SUSD6: variants seen among roughly 807,000 people sequenced by gnomAD.
The protein encoded by SUSD6 is sushi domain-containing protein 6.
SUSD6 carries 16 observed loss-of-function variants against 28.4 expected under a neutral mutation model. The ratio of observed to expected loss-of-function variants is 0.56; its 90% CI spans 0.38 to 0.86. The LOEUF (loss-of-function observed/expected upper bound fraction) is 0.86, where lower values mean the gene tolerates loss of function less well. SUSD6 is among the 40% of genes least tolerant of loss of function. The pLI is 0.00. For synonymous variants in SUSD6, 147 were observed against 159.6 expected, an observed-to-expected ratio of 0.92 and a Z score of 0.59; for missense variants, 341 against 384.2, an observed-to-expected ratio of 0.89 and a Z score of 0.94.
At chr14:69,639,989 A>C (rs1436655808) in intron 1 of SUSD6, among the ~76,000 whole-genome samples, 1 of 50,892 alleles carries the variant, frequency 2.0e-5, no homozygotes, top group East Asian at 6.7e-4. Flanking sequence ...TGCGGGGGGA[A>C]GTGTGCATTA....
intron 1 of SUSD6, 46 bp from the exon 2 acceptor site, chr14:69,658,467 C>G: frequency 9.9e-7 from 1 of 1,011,058 alleles, no homozygotes; most frequent in South Asian, 1.7e-5. Context: ...TTTTAACTAA[C>G]TTATGGCTGA....
At chr14:69,620,513 G>A (rs1885021468) in intron 1 of SUSD6, among the ~76,000 whole-genome samples, 1 of 152,230 alleles carries the variant, frequency 6.6e-6, no homozygotes, top group Admixed American at 6.5e-5. Flanking sequence ...GCATACTGCG[G>A]GAATACTCAC....
intron 1 of SUSD6, among the ~76,000 whole-genome samples, chr14:69,635,557 G>A (rs558401640): frequency 1.3e-5 from 2 of 150,626 alleles, no homozygotes; most frequent in South Asian, 4.2e-4. Flanking sequence ...GGAAGAGAAG[G>A]AAGTCATCTC....
At chr14:69,708,436 C>T (rs926654303) in intron 4 of SUSD6, among the ~76,000 whole-genome samples, 5 of 152,064 alleles carry the variant, frequency 3.3e-5, no homozygotes, top group African/African-American at 2.4e-5. Flanking sequence ...CATCCTTTAC[C>T]AGCTGTGTGA....
At chr14:69,706,409 C>T (rs1170975301) in intron 4 of SUSD6, among the ~76,000 whole-genome samples, 1 of 152,116 alleles carries the variant, frequency 6.6e-6, no homozygotes, top group Non-Finnish European at 1.5e-5. Context: ...TTAAGCCAAA[C>T]ACTATTTTGA....
At chr14:69,710,173 T>G (rs915055271) in intron 5 of SUSD6, among the ~76,000 whole-genome samples, 4 of 152,220 alleles carry the variant, frequency 2.6e-5, no homozygotes, top group African/African-American at 9.7e-5. Context: ...TGTGTAAGTG[T>G]ATATCATAGC....
At chr14:69,686,478 G>A (rs1238639706) in intron 2 of SUSD6, among the ~76,000 whole-genome samples, 1 of 152,162 alleles carries the variant, frequency 6.6e-6, no homozygotes, top group Non-Finnish European at 1.5e-5. Context: ...AGAGCCGTGA[G>A]TATACATTAT....
intron 2 of SUSD6, among the ~76,000 whole-genome samples, chr14:69,682,299 T>C (rs1886008061): frequency 6.6e-6 from 1 of 152,130 alleles, no homozygotes; most frequent in South Asian, 2.1e-4. Context: ...ATTATGCCAC[T>C]GCAGTCAAGC....
intron 2 of SUSD6, among the ~76,000 whole-genome samples, chr14:69,689,017 AC>A (rs1042371802): frequency 8.5e-5 from 13 of 152,240 alleles, no homozygotes; most frequent in African/African-American, 2.9e-4. Context: ...CCGTACACAT[AC>A]CACCTCTTCT....
intron 1 of SUSD6, among the ~76,000 whole-genome samples, chr14:69,641,532 G>A (rs986862445): frequency 6.6e-6 from 1 of 151,812 alleles, no homozygotes; most frequent in Non-Finnish European, 1.5e-5. Flanking sequence ...ATCCTATCCT[G>A]TGTACTTTTT....
chr14:69,704,754 G>A lies in SUSD6; in HGVS notation c.458+12G>A. 6.2e-7 allele frequency: 1 copy of A among 1,612,456 alleles called. No individual in the cohort carries two copies. The highest frequency in any genetic ancestry group is 8.5e-7 in the Non-Finnish European group (1 of 1,179,354). On this transcript the variant is annotated intron_variant, in intron 4 of 5. Transcript: ENST00000342745. ...TTCCATCATAGCAGGTGAGTCCAGT[G>A]GCAGAGCTGACATGAGACAGGCAGG...
chr14:69,674,329 G>A (rs1050583071), intron 2 of SUSD6, among the ~76,000 whole-genome samples: 4 of 152,236 alleles, frequency 2.6e-5, no homozygotes, highest in Middle Eastern at 3.4e-3. Context: ...GATGGAATAA[G>A]CGGTTGTATC....
At chr14:69,705,684 A>C (rs1394049029) in intron 4 of SUSD6, among the ~76,000 whole-genome samples, 1 of 152,224 alleles carries the variant, frequency 6.6e-6, no homozygotes, top group Non-Finnish European at 1.5e-5. Context: ...TAAAAAGCTC[A>C]GTTTTTCTGT....
At chr14:69,665,385 A>T (rs1885724466) in intron 2 of SUSD6, among the ~76,000 whole-genome samples, 1 of 152,106 alleles carries the variant, frequency 6.6e-6, no homozygotes, top group African/African-American at 2.4e-5. Flanking sequence ...AGTAGCTGGG[A>T]CTATAGGCAT....
intron 2 of SUSD6, among the ~76,000 whole-genome samples, chr14:69,682,300 G>T (rs1368996711): frequency 6.6e-6 from 1 of 152,188 alleles, no homozygotes; most frequent in Admixed American, 6.5e-5. Flanking sequence ...TTATGCCACT[G>T]CAGTCAAGCC....
intron 1 of SUSD6, among the ~76,000 whole-genome samples, chr14:69,652,676 T>C (rs1227209665): frequency 6.6e-6 from 1 of 152,160 alleles, no homozygotes; most frequent in African/African-American, 2.4e-5. Context: ...TGAGGAGATC[T>C]GGGCCCTGGC....
At chr14:69,651,630 A>C (rs549837699) in intron 1 of SUSD6, among the ~76,000 whole-genome samples, 1 of 152,356 alleles carries the variant, frequency 6.6e-6, no homozygotes, top group East Asian at 1.9e-4. Context: ...AAGATATAGA[A>C]GTTAGTAGGA....
In SUSD6 at chr14:69,658,569, T is replaced by TA. The variant is rs1474875337; in HGVS notation, c.-17dup. The TA allele has an allele frequency of 2.5e-6, 4 of 1,612,258 alleles. No individual in the cohort carries two copies. Among genetic ancestry groups the TA allele is most frequent in the African/African-American group, 1.3e-5 (1 of 74,758 alleles). ...TTCTGGATTTTAAATTTTTTCTTTT[T>TA]AAAAAAACTTGGACGGATAAAAGAT... On this transcript the variant is annotated 5_prime_UTR_variant, in exon 2 of 6. Coordinates refer to ENST00000342745, the MANE Select transcript of SUSD6 (RefSeq NM_014734.4).
chr14:69,695,462 G>A (rs540131320), intron 2 of SUSD6, among the ~76,000 whole-genome samples: 1 of 152,206 alleles, frequency 6.6e-6, no homozygotes, highest in Non-Finnish European at 1.5e-5. Context: ...AGACAAATTT[G>A]CAAATGTCAG....
Sources: gnomAD v4.1 joint callset for allele counts (sites outside exome capture counted in the v4.1 genomes callset) on GRCh38, gnomAD v4.1.1 for gene constraint, MANE v1.5 for transcripts, NCBI Gene and HGNC (gene_info 2026-07-23, HGNC 2026-07-21) for gene names.